Variants in ANKRD44 observed in about 807,000 individuals in gnomAD.
ANKRD44 encodes serine/threonine-protein phosphatase 6 regulatory ankyrin repeat subunit B.
In ANKRD44, 35 loss-of-function variants were observed where a neutral mutation model predicts 116.0. That is an observed-to-expected ratio of 0.30 (90% CI 0.23 to 0.40). The LOEUF (loss-of-function observed/expected upper bound fraction) is 0.40. Among genes scored for constraint, ANKRD44 ranks in the 10% least tolerant of loss-of-function variants. ANKRD44 has a pLI of 1.00. For missense variants in ANKRD44, 1,014 were observed against 1,242.6 expected (o/e 0.82, Z 2.77); for synonymous variants, 435 against 461.8 (o/e 0.94, Z 0.74).
At chr2:197,023,547 A>G (rs898572771) in intron 17 of ANKRD44, among the ~76,000 whole-genome samples, 1 of 152,156 alleles carries the variant, frequency 6.6e-6, no homozygotes, top group Admixed American at 6.6e-5. Context: ...AGAGTACACA[A>G]TAAGCATTCA....
intron 20 of ANKRD44, 69 bp downstream of exon 20, chr2:197,007,737 T>G: frequency 9.5e-7 from 1 of 1,054,304 alleles, no homozygotes; most frequent in Non-Finnish European, 1.4e-6. Context: ...CCTTTGTAAT[T>G]GTTTGCTAAA....
At chr2:197,081,981 G>T (rs1483520171) in intron 14 of ANKRD44, among the ~76,000 whole-genome samples, 3 of 152,140 alleles carry the variant, frequency 2.0e-5, no homozygotes, top group Non-Finnish European at 4.4e-5. Flanking sequence ...TAACAATCAA[G>T]TTGCCCACCC....
intron 1 of ANKRD44, among the ~76,000 whole-genome samples, chr2:197,303,534 C>T (rs1375124433): frequency 2.0e-5 from 3 of 152,196 alleles, no homozygotes; most frequent in Non-Finnish European, 4.4e-5. Context: ...TGTCTAGGCT[C>T]AAACAGATGT....
chr2:197,308,533 C>T (rs924861498), intron 1 of ANKRD44, among the ~76,000 whole-genome samples: 2 of 152,106 alleles, frequency 1.3e-5, no homozygotes, highest in African/African-American at 4.8e-5. Context: ...GACTTTGTCC[C>T]AAGATAGACT....
intron 1 of ANKRD44, among the ~76,000 whole-genome samples, chr2:197,278,496 A>G (rs576627202): frequency 1.3e-3 from 192 of 152,202 alleles, no homozygotes; most frequent in African/African-American, 4.0e-3. Context: ...AGCTGGGACT[A>G]CAGGCACGCA....
chr2:196,980,802 T>TA (rs1196889221), intron 21 of ANKRD44, among the ~76,000 whole-genome samples: 1 of 152,240 alleles, frequency 6.6e-6, no homozygotes, highest in African/African-American at 2.4e-5. Flanking sequence ...TTTACTTTGT[T>TA]AAAAGCTTCA....
intron 6 of ANKRD44, among the ~76,000 whole-genome samples, chr2:197,123,580 G>A (rs112386626): frequency 0.058 from 8,901 of 152,206 alleles, 515 homozygotes; most frequent in African/African-American, 0.15. Flanking sequence ...GCAGTGAGCC[G>A]ACATCACACC....
chr2:197,183,390 T>G (rs1267264686), intron 2 of ANKRD44, among the ~76,000 whole-genome samples: 1 of 152,176 alleles, frequency 6.6e-6, no homozygotes, highest in Non-Finnish European at 1.5e-5. Context: ...CTGCACTATT[T>G]ATTTTCCTTC....
At chr2:197,226,274 T>G (rs1195538239) in intron 1 of ANKRD44, among the ~76,000 whole-genome samples, 1 of 152,254 alleles carries the variant, frequency 6.6e-6, no homozygotes, top group Admixed American at 6.5e-5. Context: ...GCTTTGGGAA[T>G]ACTGATGCCA....
intron 16 of ANKRD44, among the ~76,000 whole-genome samples, chr2:197,027,902 C>T (rs1284771101): frequency 6.6e-6 from 1 of 151,930 alleles, no homozygotes; most frequent in African/African-American, 2.4e-5. Flanking sequence ...GTTTCCCAGG[C>T]TGGTCTCAAA....
intron 16 of ANKRD44, among the ~76,000 whole-genome samples, chr2:197,026,427 G>C (rs1270665396): frequency 6.6e-6 from 1 of 152,234 alleles, no homozygotes; most frequent in African/African-American, 2.4e-5. Flanking sequence ...GCCCAGTAAA[G>C]TCTCCAGGGA....
intron 8 of ANKRD44, among the ~76,000 whole-genome samples, chr2:197,115,864 AAG>A (rs1485511814): frequency 1.6e-4 from 24 of 152,208 alleles, no homozygotes; most frequent in Non-Finnish European, 4.4e-5. Flanking sequence ...GGAGGATTCA[AAG>A]AGATTTAGGA....
intron 1 of ANKRD44, among the ~76,000 whole-genome samples, chr2:197,257,452 G>A (rs1323215299): frequency 6.6e-6 from 1 of 151,228 alleles, no homozygotes; most frequent in African/African-American, 2.4e-5. Flanking sequence ...AAACTTCGGG[G>A]AAAAAAACAA....
chr2:197,253,561 CATAT>C (rs1218768947), intron 1 of ANKRD44, among the ~76,000 whole-genome samples: 1 of 152,140 alleles, frequency 6.6e-6, no homozygotes, highest in Admixed American at 6.5e-5. Context: ...ATATTTATTG[CATAT>C]ATATGTAGAA....
chr2:196,986,854 C>T lies in ANKRD44; in HGVS notation c.*2737G>A. The T allele has an allele frequency of 5.1e-6, 5 of 985,388 alleles. No homozygotes were observed. Among genetic ancestry groups the T allele is most frequent in the Non-Finnish European group, 6.0e-6 (5 of 829,880 alleles). 61.0% of individuals were successfully genotyped at this position (985,388 alleles called of 1,614,324 possible). A position where few individuals can be genotyped will look rare whatever the true frequency, so the allele number is the denominator to read the frequency against. ...CTAAAAGTCATTTTCCCCATTTTTA[C>T]AGTCATGACATTTACCAGAGTCATT... On this transcript the variant is annotated 3_prime_UTR_variant, in exon 28 of 28. Coordinates refer to ENST00000282272, the MANE Select transcript of ANKRD44 (RefSeq NM_001195144.2).
intron 2 of ANKRD44, 120 bp downstream of exon 2, chr2:197,186,903 C>T (rs2080687960): frequency 1.3e-6 from 1 of 743,352 alleles, no homozygotes; most frequent in Non-Finnish European, 2.3e-6. Context: ...AGAACAGTGT[C>T]CTGAGAAACA....
chr2:197,096,889 C>G (rs1471381494), intron 10 of ANKRD44, among the ~76,000 whole-genome samples: 1 of 152,112 alleles, frequency 6.6e-6, no homozygotes, highest in Non-Finnish European at 1.5e-5. Context: ...CACAAAGGCA[C>G]TTACACACAC....
At chr2:197,304,492 C>T (rs1024941031) in intron 1 of ANKRD44, among the ~76,000 whole-genome samples, 4 of 152,160 alleles carry the variant, frequency 2.6e-5, no homozygotes, top group Admixed American at 6.5e-5. Flanking sequence ...TCTGCAAATA[C>T]ACCCTTCATA....
Position 196,989,310 on chromosome 2 carries a change from G to T in ANKRD44, c.*281C>A. On this transcript the variant is annotated 3_prime_UTR_variant, in exon 28 of 28. Transcript: ENST00000282272. ...AAAAAAAAAGGTCAGCACATCATCA[G>T]TTACAAATGTTAAGTGGTCAACTAG... is the stretch of plus-strand genomic sequence containing the variant. 1 of 1,007,526 alleles carries T rather than the reference G, an allele frequency of 9.9e-7. No homozygotes were observed. Among genetic ancestry groups the T allele is most frequent in the Non-Finnish European group, 1.2e-6 (1 of 844,976 alleles). The allele number at this position is 1,007,526 out of a possible 1,614,324, so 62.4% of individuals were successfully genotyped here.
Sources: allele counts gnomAD v4.1 joint callset (sites outside exome capture counted in the v4.1 genomes callset), GRCh38; gene constraint gnomAD v4.1.1; transcripts MANE v1.5; gene names NCBI Gene and HGNC (gene_info 2026-07-23, HGNC 2026-07-21).